MED27: variants seen among roughly 807,000 people sequenced by gnomAD.
MED27 encodes mediator complex subunit 27, also known as mediator of RNA polymerase II transcription subunit 27.
In MED27, 30 loss-of-function variants were observed where a neutral mutation model predicts 38.2. The observed-to-expected ratio is 0.79, with a 90% CI of 0.59 to 1.07. MED27 has a LOEUF of 1.07. MED27 is among the 50% of genes least tolerant of loss of function. The probability of loss-of-function intolerance (pLI) is 0.00; values close to 1 mark genes in which losing one functional copy is unlikely to be tolerated. For missense variants in MED27, 289 were observed against 397.5 expected, an observed-to-expected ratio of 0.73 and a Z score of 2.32; for synonymous variants, 122 against 153.5, an observed-to-expected ratio of 0.79 and a Z score of 1.52.
intron 4 of MED27, among the ~76,000 whole-genome samples, chr9:131,905,652 C>G (rs1830040891): frequency 8.5e-6 from 1 of 116,962 alleles, no homozygotes; most frequent in Admixed American, 1.2e-4. Flanking sequence ...GAACTGTGAT[C>G]AAGCCATTGC....
intron 3 of MED27, among the ~76,000 whole-genome samples, chr9:132,011,822 T>A (rs1482339598): frequency 6.6e-6 from 1 of 152,180 alleles, no homozygotes. Context: ...TCACAGGAAA[T>A]AGGCTACTAA....
intron 3 of MED27, among the ~76,000 whole-genome samples, chr9:131,956,743 T>C (rs564415202): frequency 2.0e-5 from 3 of 151,634 alleles, no homozygotes; most frequent in South Asian, 2.1e-4. Context: ...TAACTTACCA[T>C]ATTAAAATAA....
chr9:131,981,609 C>T (rs1474940476), intron 3 of MED27, among the ~76,000 whole-genome samples: 2 of 152,202 alleles, frequency 1.3e-5, no homozygotes, highest in African/African-American at 4.8e-5. Context: ...ATATAATTTA[C>T]AACAGCCTGG....
chr9:132,021,038 G>A (rs1042983981), intron 2 of MED27, among the ~76,000 whole-genome samples: 4 of 152,176 alleles, frequency 2.6e-5, no homozygotes, highest in Non-Finnish European at 4.4e-5. Context: ...TCAGGGCTGC[G>A]CTTCCTGCTC....
rs1831182946 is a variant in MED27 at position 131,960,056 on chromosome 9, C to T, written c.480-20582G>A. On this transcript the variant is annotated intron_variant, in intron 3 of 7. Transcript: ENST00000292035. ...ATATTTGCTGTAGCTGAGTAGGCTG[C>T]CCTAATGTGGCTGTGTAGGATGCTC... is the stretch of plus-strand genomic sequence containing the variant. 2.0e-5 allele frequency among the ~76,000 whole-genome samples: 3 copies of T among 152,260 alleles called. No homozygotes were observed. In the South Asian group the frequency reaches 6.2e-4, roughly 32 times the overall value.
chr9:131,966,872 T>C (rs1236239720), intron 3 of MED27, among the ~76,000 whole-genome samples: 2 of 152,218 alleles, frequency 1.3e-5, no homozygotes, highest in East Asian at 1.9e-4. Context: ...ACTAAAAAAA[T>C]GCAGAGTACT....
At chr9:131,866,875 G>A (rs528976470) in intron 6 of MED27, among the ~76,000 whole-genome samples, 6 of 152,144 alleles carry the variant, frequency 3.9e-5, no homozygotes, top group African/African-American at 1.4e-4. Context: ...TGCAGCACCC[G>A]GTGTCTGCCT....
At chr9:131,930,400 C>T (rs947945242) in intron 4 of MED27, among the ~76,000 whole-genome samples, 4 of 152,144 alleles carry the variant, frequency 2.6e-5, no homozygotes, top group African/African-American at 9.7e-5. Context: ...AGTGGAGCTC[C>T]AGTCCATCTG....
At chr9:132,043,932 C>G (rs572499552) in intron 2 of MED27, among the ~76,000 whole-genome samples, 1 of 152,164 alleles carries the variant, frequency 6.6e-6, no homozygotes, top group Non-Finnish European at 1.5e-5. Flanking sequence ...GCTGACAAAC[C>G]GTGAAGGGAA....
chr9:131,990,739 T>C (rs1831954695), intron 3 of MED27, among the ~76,000 whole-genome samples: 1 of 152,178 alleles, frequency 6.6e-6, no homozygotes, highest in Admixed American at 6.5e-5. Flanking sequence ...TCTGACCAGA[T>C]CTAGGATTCC....
At chr9:132,053,513 A>G (rs1833510100) in intron 2 of MED27, among the ~76,000 whole-genome samples, 2 of 152,216 alleles carry the variant, frequency 1.3e-5, no homozygotes, top group Admixed American at 1.3e-4. Context: ...TCTGCAGTGA[A>G]TAACTTATAG....
At chr9:131,869,404 A>G (rs1838790792) in intron 6 of MED27, 5 of 984,686 alleles carry the variant, frequency 5.1e-6, no homozygotes, top group South Asian at 9.4e-5. Context: ...AAAAAAAAAA[A>G]AAATCTGCTA....
chr9:131,954,981 T>C (rs1831067982), intron 3 of MED27, among the ~76,000 whole-genome samples: 1 of 152,068 alleles, frequency 6.6e-6, no homozygotes, highest in Admixed American at 6.5e-5. Flanking sequence ...CCCAATGACA[T>C]ATATATTCTA....
chr9:131,877,655 C>T (rs36055779), intron 6 of MED27, among the ~76,000 whole-genome samples: 17 of 152,274 alleles, frequency 1.1e-4, no homozygotes, highest in African/African-American at 3.9e-4. Context: ...CACCACACAC[C>T]CAACTAAGGT....
intron 4 of MED27, among the ~76,000 whole-genome samples, chr9:131,928,999 G>C (rs945887881): frequency 4.6e-5 from 7 of 152,378 alleles, no homozygotes; most frequent in Non-Finnish European, 8.8e-5. Context: ...GAAGAGTAAA[G>C]AGGACTTCGT....
chr9:131,923,352 G>C (rs1373991924), intron 4 of MED27, among the ~76,000 whole-genome samples: 1 of 152,072 alleles, frequency 6.6e-6, no homozygotes, highest in East Asian at 1.9e-4. Context: ...CTCAAACCTA[G>C]AATACACATA....
At chr9:132,019,140 C>T (rs1832667459) in intron 2 of MED27, among the ~76,000 whole-genome samples, 1 of 152,142 alleles carries the variant, frequency 6.6e-6, no homozygotes, top group Non-Finnish European at 1.5e-5. Flanking sequence ...GAAAAGACAG[C>T]CTTGTGTTAT....
intron 3 of MED27, among the ~76,000 whole-genome samples, chr9:131,941,817 ATTTTT>A (rs766438800): frequency 3.6e-5 from 3 of 82,514 alleles, no homozygotes; most frequent in African/African-American, 1.0e-4. Context: ...ATTCTGCTGA[ATTTTT>A]TTTTTTTTTT....
intron 4 of MED27, among the ~76,000 whole-genome samples, chr9:131,903,444 A>C (rs1319606925): frequency 6.6e-6 from 1 of 152,180 alleles, no homozygotes; most frequent in South Asian, 2.1e-4. Context: ...GAGCCAAACC[A>C]TATCACAGGT....
Sources: gnomAD v4.1 joint callset for allele counts (sites outside exome capture counted in the v4.1 genomes callset) on GRCh38, gnomAD v4.1.1 for gene constraint, MANE v1.5 for transcripts, NCBI Gene and HGNC (gene_info 2026-07-23, HGNC 2026-07-21) for gene names.